The following SPRY2 variants were observed in gnomAD, a reference collection of about 807,000 sequenced individuals.
SPRY2 encodes the protein protein sprouty homolog 2.
Under a neutral mutation model 23.4 loss-of-function variants are expected in SPRY2, and 10 were observed. The observed-to-expected ratio is 0.43, with a 90% CI of 0.26 to 0.73. The LOEUF is 0.73. Among genes scored for constraint, SPRY2 ranks in the 30% least tolerant of loss-of-function variants. The pLI, the probability that SPRY2 is intolerant of heterozygous loss-of-function variation, is 0.22. For missense variants in SPRY2, 344 were observed against 396.9 expected, an observed-to-expected ratio of 0.87 and a Z score of 1.13; for synonymous variants, 170 against 156.9, an observed-to-expected ratio of 1.08 and a Z score of -0.62.
intron 1 of SPRY2, 92 bp downstream of exon 1, chr13:80,340,526 AGACG>A (rs1254934193): frequency 6.6e-6 from 1 of 152,202 alleles, no homozygotes; most frequent in Non-Finnish European, 1.5e-5. Flanking sequence ...GCTCGGGGAG[AGACG>A]GACCCAACTC....
Position 80,336,511 on chromosome 13 carries a change from G to C in SPRY2, c.*247C>G. 1 of 570,686 alleles carries C rather than the reference G, an allele frequency of 1.8e-6. No homozygotes were observed. The highest frequency in any genetic ancestry group is 3.1e-6 in the Non-Finnish European group (1 of 321,028). 35.4% of individuals were successfully genotyped at this position (570,686 alleles called of 1,614,324 possible). A position where few individuals can be genotyped will look rare whatever the true frequency, so the allele number is the denominator to read the frequency against. Reference sequence around the variant, plus strand: ...AACTTTGCCTAGGAGTGTCTGTGTTGCTTTAGCTTATGCAATACATGGGTC... The same window carrying C: ...AACTTTGCCTAGGAGTGTCTGTGTTCCTTTAGCTTATGCAATACATGGGTC... On this transcript the variant is annotated 3_prime_UTR_variant, in exon 2 of 2. Transcript: ENST00000377104.
chr13:80,336,801 T>G lies in SPRY2; in HGVS notation c.905A>C (p.Lys302Thr). The change falls in exon 2 of 2, where the codon AAA becomes ACA. Residue 302 changes from lysine (K) to threonine (T), a missense_variant. By Grantham distance (78) the Lys-to-Thr change is moderately conservative. Coordinates refer to ENST00000377104, the MANE Select transcript of SPRY2 (RefSeq NM_005842.4). Reference protein sequence around the residue: ...RCKNSNTVCCKVPTVPPRNFE... With the variant: ...RCKNSNTVCCTVPTVPPRNFE... ...GTTCCTAGGGGGGACAGTGGGAACT[T>G]TGCAGCAAACTGTGTTTGAGTTTTT... is the stretch of plus-strand genomic sequence containing the variant. 6.2e-7 allele frequency: 1 copy of G among 1,614,170 alleles called. No homozygotes were observed. The highest frequency in any genetic ancestry group is 8.5e-7 in the Non-Finnish European group (1 of 1,180,014).
At position 80,336,626 on chromosome 13, in the gene SPRY2, A is replaced by C. The variant is rs747748887; in HGVS notation, c.*132T>G. On this transcript the variant is annotated 3_prime_UTR_variant, in exon 2 of 2. Coordinates refer to ENST00000377104, the MANE Select transcript of SPRY2 (RefSeq NM_005842.4). ...ACGGCACATGGACAAAAAGCATTTCACCGCAAACAGCAAAGACTATCCCAC... is the reference window on the plus strand; with the variant it reads ...ACGGCACATGGACAAAAAGCATTTCCCCGCAAACAGCAAAGACTATCCCAC... The C allele has an allele frequency of 2.1e-6, 2 of 975,580 alleles. No individual in the cohort carries two copies. Among genetic ancestry groups the C allele is most frequent in the South Asian group, 2.9e-5 (2 of 69,708 alleles). 60.4% of individuals were successfully genotyped at this position (975,580 alleles called of 1,614,324 possible).
rs1326893559 is a variant in SPRY2 at position 80,337,479 on chromosome 13, T to C, written c.227A>G (p.Gln76Arg). ...GLKPAPRPST[Q>R]HKHERLHGLP... is the part of the protein sequence containing the mutation. ...ACCGTGGAGTCTCTCGTGTTTGTGC[T>C]GAGTGGAGGGGCGAGGAGCAGGCTT... The change falls in exon 2 of 2, where the codon CAG (glutamine) becomes CGG (arginine). Residue 76 changes from glutamine to arginine, a missense_variant. Physicochemically the swap from Gln to Arg is conservative, Grantham distance 43 (BLOSUM62 1). Coordinates refer to ENST00000377104, the MANE Select transcript of SPRY2 (RefSeq NM_005842.4). 2.5e-6 allele frequency: 4 copies of C among 1,614,062 alleles called. No individual in the cohort carries two copies. The highest frequency in any genetic ancestry group is 2.2e-5 in the South Asian group (2 of 91,084).
In SPRY2 at chr13:80,341,052, G is replaced by A. The variant is rs561350953; in HGVS notation, c.-482C>T. On this transcript the variant is annotated 5_prime_UTR_variant, in exon 1 of 2. Coordinates refer to ENST00000377104, the MANE Select transcript of SPRY2 (RefSeq NM_005842.4). ...CGGGCCGGGCCGGGCGGGCGCGGGG[G>A]CCTGGGCGCTGCGCGCTCCGCCGGC... The A allele has an allele frequency of 5.4e-5, 8 of 148,490 alleles. No individual in the cohort carries two copies. In the South Asian group the frequency reaches 1.4e-3, roughly 26 times the overall value. 9.2% of individuals were successfully genotyped at this position (148,490 alleles called of 1,614,324 possible). A position where few individuals can be genotyped will look rare whatever the true frequency, so the allele number is the denominator to read the frequency against.
chr13:80,337,352 C>A lies in SPRY2; in HGVS notation c.354G>T (p.Ser118=), dbSNP rs767605678. Reference sequence around the variant, plus strand: ...TGGTACTTGTCCTCGTACTGCTCCGCGACCCTGAGCTGACCGTGCTTATGG... The same window carrying A: ...TGGTACTTGTCCTCGTACTGCTCCGAGACCCTGAGCTGACCGTGCTTATGG... ...SRSISTVSSG[S]RSSTRTSTSS... The change falls in exon 2 of 2, where the codon TCG becomes TCT. Residue 118 remains serine, a synonymous_variant. Coordinates refer to ENST00000377104, the MANE Select transcript of SPRY2 (RefSeq NM_005842.4). 1 of 1,614,020 alleles carries A rather than the reference C, an allele frequency of 6.2e-7. No homozygotes were observed. The highest frequency in any genetic ancestry group is 1.3e-5 in the African/African-American group (1 of 74,922).
chr13:80,340,358 C>G (rs4528453), intron 1 of SPRY2, among the ~76,000 whole-genome samples: 1 of 152,246 alleles, frequency 6.6e-6, no homozygotes, highest in Non-Finnish European at 1.5e-5. Flanking sequence ...TCCCAACCCC[C>G]TAGAGCGCGG....
rs747621224 is a variant in SPRY2 at position 80,337,296 on chromosome 13, C to T, written c.410G>A (p.Gly137Glu). The T allele has an allele frequency of 1.7e-5, 28 of 1,614,034 alleles. No homozygotes were observed. In the African/African-American group the frequency reaches 2.8e-4, roughly 16 times the overall value. ...SSSSSEQRLL[G>E]SSFSSGPVAD... ...AACAGGCCCGGAGGAGAAGGATGATCCTAGCAGTCTCTGTTCAGAGGAGCT... is the reference window on the plus strand; with the variant it reads ...AACAGGCCCGGAGGAGAAGGATGATTCTAGCAGTCTCTGTTCAGAGGAGCT... Residue 137 changes from glycine (G) to glutamate (E), a missense_variant, in exon 2 of 2, where the codon GGA (glycine) becomes GAA (glutamate). By Grantham distance (98) the Gly-to-Glu change is moderately conservative. Coordinates refer to ENST00000377104, the MANE Select transcript of SPRY2 (RefSeq NM_005842.4).
Position 80,336,690 on chromosome 13 carries a change from G to T in SPRY2, c.*68C>A. 1 of 1,396,926 alleles carries T rather than the reference G, an allele frequency of 7.2e-7. No homozygotes were observed. The highest frequency in any genetic ancestry group is 1.0e-6 in the Non-Finnish European group (1 of 1,004,000). 86.5% of individuals were successfully genotyped at this position (1,396,926 alleles called of 1,614,324 possible). On this transcript the variant is annotated 3_prime_UTR_variant, in exon 2 of 2. Coordinates refer to ENST00000377104, the MANE Select transcript of SPRY2 (RefSeq NM_005842.4). ...GTGCCAAGATTATAACTGTTTAGTT[G>T]GTTGCATATGTGTATTAAAAAAAGA... is the stretch of plus-strand genomic sequence containing the variant.
rs1441415778 is a variant in SPRY2 at position 80,337,416 on chromosome 13, G to A, written c.290C>T (p.Ser97Leu). Reference protein sequence around the residue: ...EHRQPPRLQHSQVHSSARAPL... With the variant: ...EHRQPPRLQHLQVHSSARAPL... The stretch of plus-strand genomic sequence containing the variant: ...GGCTCGTGCAGAAGAATGGACCTGC[G>A]AGTGCTGGAGCCTAGGAGGCTGGCG... The change falls in exon 2 of 2, where the codon TCG becomes TTG. Residue 97 changes from serine to leucine, a missense_variant. Ser to Leu is a moderately radical substitution (Grantham distance 145). Transcript: ENST00000377104. 2.5e-6 allele frequency: 4 copies of A among 1,614,020 alleles called. No homozygotes were observed. Among genetic ancestry groups the A allele is most frequent in the African/African-American group, 1.3e-5 (1 of 74,926 alleles).
In SPRY2 at chr13:80,336,666, T is replaced by C; in HGVS notation, c.*92A>G. 1.5e-6 allele frequency: 2 copies of C among 1,290,464 alleles called. No individual in the cohort carries two copies. The highest frequency in any genetic ancestry group is 1.1e-6 in the Non-Finnish European group (1 of 914,284). The allele number at this position is 1,290,464 out of a possible 1,614,324, so 79.9% of individuals were successfully genotyped here. A position where few individuals can be genotyped will look rare whatever the true frequency, so the allele number is the denominator to read the frequency against. The stretch of plus-strand genomic sequence containing the variant: ...GACTATCCCACCTTTCTATTAACAG[T>C]GCCAAGATTATAACTGTTTAGTTGG... On this transcript the variant is annotated 3_prime_UTR_variant, in exon 2 of 2. Transcript: ENST00000377104.
rs1452735394 is a variant in SPRY2 at position 80,337,715 on chromosome 13, G to A, written c.-10C>T. ...GAGCTCTGGCCTCCATCAGGTCTTG[G>A]AAGTGTGGTCACTCCAGCAGGCTTA... On this transcript the variant is annotated 5_prime_UTR_variant, in exon 2 of 2. Transcript: ENST00000377104. 1 of 1,607,546 alleles carries A rather than the reference G, an allele frequency of 6.2e-7. No homozygotes were observed. The highest frequency in any genetic ancestry group is 1.7e-5 in the Admixed American group (1 of 60,000).
intron 1 of SPRY2, chr13:80,339,340 C>G (rs1880417067): frequency 2.0e-5 from 3 of 151,884 alleles, no homozygotes; most frequent in Admixed American, 2.0e-4. Flanking sequence ...GGGGCATTGC[C>G]TGTAATCTGC....
chr13:80,340,131 G>A (rs1031041541), intron 1 of SPRY2, among the ~76,000 whole-genome samples: 5 of 152,208 alleles, frequency 3.3e-5, no homozygotes, highest in African/African-American at 1.2e-4. Flanking sequence ...CCCCCGAGGC[G>A]GGCAACCTGT....
At chr13:80,339,742 A>C (rs923134239) in intron 1 of SPRY2, 6 of 152,266 alleles carry the variant, frequency 3.9e-5, no homozygotes, top group African/African-American at 1.2e-4. Flanking sequence ...CTTCAGCTCT[A>C]GGGTGGGGCA....
intron 1 of SPRY2, among the ~76,000 whole-genome samples, chr13:80,338,533 G>T (rs539670283): frequency 5.2e-4 from 79 of 152,304 alleles, no homozygotes; most frequent in African/African-American, 1.9e-3. Context: ...GCAGCTAAAA[G>T]GTTGTTCTCC....
At chr13:80,340,056 C>T (rs1048835832) in intron 1 of SPRY2, among the ~76,000 whole-genome samples, 1 of 152,172 alleles carries the variant, frequency 6.6e-6, no homozygotes, top group Non-Finnish European at 1.5e-5. Flanking sequence ...ACTGTCCACA[C>T]GGAGCAGAGG....
intron 1 of SPRY2, chr13:80,339,474 A>T (rs1880425854): frequency 6.6e-6 from 1 of 152,168 alleles, no homozygotes; most frequent in Admixed American, 6.5e-5. Context: ...CCGGGCGCGC[A>T]GGACCCAGCT....
At position 80,337,286 on chromosome 13, in the gene SPRY2, G is replaced by A; in HGVS notation, c.420C>T (p.Phe140=). The part of the protein sequence containing the change: ...SSEQRLLGSS[F]SSGPVADGII... ...TGCCATCAGCAACAGGCCCGGAGGA[G>A]AAGGATGATCCTAGCAGTCTCTGTT... The change falls in exon 2 of 2, where the codon TTC becomes TTT. Residue 140 remains phenylalanine (F), a synonymous_variant. Transcript: ENST00000377104. 1 of 1,613,954 alleles carries A rather than the reference G, an allele frequency of 6.2e-7. No individual in the cohort carries two copies. Among genetic ancestry groups the A allele is most frequent in the Non-Finnish European group, 8.5e-7 (1 of 1,179,830 alleles).
Sources: gnomAD v4.1 joint callset for allele counts (sites outside exome capture counted in the v4.1 genomes callset) on GRCh38, gnomAD v4.1.1 for gene constraint, MANE v1.5 for transcripts, NCBI Gene and HGNC (gene_info 2026-07-23, HGNC 2026-07-21) for gene names.